SLC24A2: variants seen among roughly 807,000 people sequenced by gnomAD.
The protein encoded by SLC24A2 is sodium/potassium/calcium exchanger 2.
In SLC24A2, 36 loss-of-function variants were observed where a neutral mutation model predicts 62.0. The observed-to-expected ratio is 0.58, with a 90% confidence interval of 0.44 to 0.77. The LOEUF is 0.77. Ranked by LOEUF, SLC24A2 falls within the 30% of genes least tolerant of loss-of-function variation. SLC24A2 has a pLI of 0.00. For missense variants in SLC24A2, 846 were observed against 817.9 expected (o/e 1.03, Z -0.42); for synonymous variants, 358 against 294.0 (o/e 1.22, Z -2.23).
At chr9:20,152,427 G>T in the SLC24A2 span, among the ~76,000 whole-genome samples, 1 of 151,854 alleles carries the variant, frequency 6.6e-6, no homozygotes. Flanking sequence ...TTTCAGCCCA[G>T]TGGGTATAAA....
At chr9:19,940,205 A>G in the SLC24A2 span, among the ~76,000 whole-genome samples, 1 of 152,200 alleles carries the variant, frequency 6.6e-6, no homozygotes, top group Non-Finnish European at 1.5e-5. Flanking sequence ...GTCTGAACAT[A>G]GTAGTTAAGA....
chr9:19,767,648 C>T lies in SLC24A2; in HGVS notation c.930+18289G>A, dbSNP rs185444721. Among the ~76,000 whole-genome samples, 790 of 152,284 alleles carry T rather than the reference C, an allele frequency of 5.2e-3. 4 individuals are homozygous for T. The highest frequency in any genetic ancestry group is 8.0e-3 in the Non-Finnish European group (545 of 68,024). On this transcript the variant is annotated intron_variant, in intron 2 of 10. Coordinates refer to ENST00000341998, the MANE Select transcript of SLC24A2 (RefSeq NM_020344.4). ...GGGCTGCATGCACTGTCTAACCAGT[C>T]CCAGTGAGGTGAACCGGGTACCTCA...
chr9:20,181,154 A>G, the SLC24A2 span, among the ~76,000 whole-genome samples: 2 of 152,130 alleles, frequency 1.3e-5, no homozygotes, highest in Admixed American at 1.3e-4. Flanking sequence ...CTTTGTAGTT[A>G]ACTAGTCTCA....
At chr9:20,259,953 A>G in the SLC24A2 span, among the ~76,000 whole-genome samples, 1 of 152,102 alleles carries the variant, frequency 6.6e-6, no homozygotes, top group Non-Finnish European at 1.5e-5. Flanking sequence ...GCTGGGTGGC[A>G]TACATCCGTA....
At chr9:20,149,635 A>G in the SLC24A2 span, among the ~76,000 whole-genome samples, 1 of 152,096 alleles carries the variant, frequency 6.6e-6, no homozygotes, top group African/African-American at 2.4e-5. Flanking sequence ...AAAATATTTT[A>G]TGGACATATA....
the SLC24A2 span, among the ~76,000 whole-genome samples, chr9:20,157,554 C>A: frequency 6.6e-6 from 1 of 151,572 alleles, no homozygotes; most frequent in Admixed American, 6.6e-5. Flanking sequence ...TTCACAACTA[C>A]ACCTATAGGA....
the SLC24A2 span, among the ~76,000 whole-genome samples, chr9:19,951,949 G>C: frequency 2.7e-4 from 41 of 152,142 alleles, no homozygotes; most frequent in Middle Eastern, 3.4e-3. Context: ...ACAATGTTGA[G>C]TTTTCTAATC....
At chr9:20,203,838 C>T in the SLC24A2 span, among the ~76,000 whole-genome samples, 1 of 152,182 alleles carries the variant, frequency 6.6e-6, no homozygotes, top group African/African-American at 2.4e-5. Flanking sequence ...CTGGGTTCGC[C>T]TATGGTATAT....
At chr9:19,570,270 CT>C (rs1835799841) in intron 7 of SLC24A2, among the ~76,000 whole-genome samples, 1 of 152,224 alleles carries the variant, frequency 6.6e-6, no homozygotes, top group African/African-American at 2.4e-5. Flanking sequence ...CTAAACATGA[CT>C]TTCCCTTTTA....
intron 2 of SLC24A2, among the ~76,000 whole-genome samples, chr9:19,658,111 C>T (rs1818993664): frequency 6.6e-6 from 1 of 152,214 alleles, no homozygotes; most frequent in Non-Finnish European, 1.5e-5. Flanking sequence ...TTACCTCAGC[C>T]TTTGCCCAAG....
chr9:19,706,313 G>C (rs1457483077), intron 2 of SLC24A2, among the ~76,000 whole-genome samples: 4 of 150,736 alleles, frequency 2.7e-5, no homozygotes, highest in Non-Finnish European at 5.9e-5. Flanking sequence ...CTTTTATATT[G>C]AGCCTATGTG....
At chr9:20,247,958 T>A in the SLC24A2 span, among the ~76,000 whole-genome samples, 2 of 152,368 alleles carry the variant, frequency 1.3e-5, no homozygotes, top group Admixed American at 1.3e-4. Context: ...ACAAAGGGCT[T>A]AGAGCATATG....
chr9:20,092,667 T>C, the SLC24A2 span, among the ~76,000 whole-genome samples: 1 of 152,244 alleles, frequency 6.6e-6, no homozygotes, highest in Non-Finnish European at 1.5e-5. Flanking sequence ...ATACATTGTA[T>C]GCTTATTACC....
At chr9:19,540,575 G>A (rs1205236964) in intron 8 of SLC24A2, among the ~76,000 whole-genome samples, 24 of 147,700 alleles carry the variant, frequency 1.6e-4, no homozygotes, top group Admixed American at 6.7e-4. Context: ...CGAGAGATCC[G>A]CTGTTAGTCT....
chr9:19,576,873 C>A, intron 6 of SLC24A2, 51 bp downstream of exon 6: 1 of 1,384,180 alleles, frequency 7.2e-7, no homozygotes, highest in Non-Finnish European at 1.0e-6. Context: ...ACTCTCTGCT[C>A]CCCTCGCTTC....
rs117146789 is a variant in SLC24A2 at position 19,515,913 on chromosome 9, A to G, written c.*240T>C. Reference sequence around the variant, plus strand: ...GTACTTGTCAGTGGTGAATAGGGAGAAGCCCTGTATTGACGGTTCTCTTTG... The same window carrying G: ...GTACTTGTCAGTGGTGAATAGGGAGGAGCCCTGTATTGACGGTTCTCTTTG... On this transcript the variant is annotated 3_prime_UTR_variant, in exon 11 of 11. Coordinates refer to ENST00000341998, the MANE Select transcript of SLC24A2 (RefSeq NM_020344.4). 7.3e-3 allele frequency: 3,816 copies of G among 521,074 alleles called. 25 individuals carry two copies. The highest frequency in any genetic ancestry group is 0.011 in the Non-Finnish European group (3,213 of 287,966). The allele number at this position is 521,074 out of a possible 1,614,324, so 32.3% of individuals were successfully genotyped here. A position where few individuals can be genotyped will look rare whatever the true frequency, so the allele number is the denominator to read the frequency against.
chr9:19,788,170 A>T (rs1210628340), intron 1 of SLC24A2, among the ~76,000 whole-genome samples: 1 of 152,228 alleles, frequency 6.6e-6, no homozygotes, highest in Non-Finnish European at 1.5e-5. Flanking sequence ...AGAGCAAAGC[A>T]AGAGCACAAA....
At chr9:20,223,223 A>G in the SLC24A2 span, among the ~76,000 whole-genome samples, 12 of 152,316 alleles carry the variant, frequency 7.9e-5, no homozygotes, top group East Asian at 1.9e-3. Context: ...GAAGCTTTAA[A>G]ACAGCATTGA....
At chr9:20,164,153 C>G in the SLC24A2 span, among the ~76,000 whole-genome samples, 14 of 152,012 alleles carry the variant, frequency 9.2e-5, no homozygotes, top group African/African-American at 1.9e-4. Context: ...AAACTAAAGA[C>G]CTTCTGCACA....
Sources: allele counts gnomAD v4.1 joint callset (sites outside exome capture counted in the v4.1 genomes callset), GRCh38; gene constraint gnomAD v4.1.1; transcripts MANE v1.5; gene names NCBI Gene and HGNC (gene_info 2026-07-23, HGNC 2026-07-21).